The following SENP7 variants were observed in gnomAD, a reference collection of about 807,000 sequenced individuals.
SENP7 encodes sentrin-specific protease 7.
Under a neutral mutation model 141.2 loss-of-function variants are expected in SENP7, and 64 were observed. The ratio of observed to expected loss-of-function variants is 0.45; its 90% CI spans 0.37 to 0.56. The LOEUF (loss-of-function observed/expected upper bound fraction) is 0.56. Among genes scored for constraint, SENP7 ranks in the 20% least tolerant of loss-of-function variants. The pLI is 0.00. For synonymous variants in SENP7, 382 were observed against 426.4 expected (o/e 0.90, Z 1.28); for missense variants, 1,025 against 1,212.2 (o/e 0.85, Z 2.29).
intron 16 of SENP7, among the ~76,000 whole-genome samples, 172 bp from the exon 17 acceptor site, chr3:101,337,803 C>T (rs1230664349): frequency 6.6e-6 from 1 of 152,210 alleles, no homozygotes; most frequent in Non-Finnish European, 1.5e-5. Context: ...AGCCTTCCAT[C>T]ATGTAAAGCA....
rs1219140542 is a variant in SENP7 at position 101,417,743 on chromosome 3, C to T, written c.332G>A (p.Arg111Gln). 3.7e-6 allele frequency: 6 copies of T among 1,613,812 alleles called. No homozygotes were observed. The highest frequency in any genetic ancestry group is 1.7e-6 in the Non-Finnish European group (2 of 1,179,868). ...LTNVLWTDLG[R>Q]KFRKTLPRND... ...TCTAGGTAGGGTCTTTCTGAATTTT[C>T]GTCCTAAATCCGTCCATAGGACATT... The change falls in exon 5 of 24, where the codon CGA becomes CAA. Residue 111 changes from arginine (R) to glutamine (Q), a missense_variant. By Grantham distance (43) the Arg-to-Gln change is conservative. Around this residue, in one of 4 missense-constraint regions of SENP7, gnomAD observed 496 missense variants for 503.5 expected, o/e 0.99. Transcript: ENST00000394095.
intron 4 of SENP7, among the ~76,000 whole-genome samples, chr3:101,430,819 G>C (rs1369202512): frequency 6.6e-6 from 1 of 152,126 alleles, no homozygotes; most frequent in Non-Finnish European, 1.5e-5. Flanking sequence ...TTGACATTTA[G>C]TGCTATAAAT....
At chr3:101,359,455 C>T (rs1473056129) in intron 11 of SENP7, among the ~76,000 whole-genome samples, 2 of 150,878 alleles carry the variant, frequency 1.3e-5, no homozygotes, top group African/African-American at 4.9e-5. Flanking sequence ...GTTTGACTTC[C>T]TCTCCTCCAA....
chr3:101,332,916 G>A (rs546866945), intron 17 of SENP7, 54 bp from the exon 18 acceptor site: 4 of 1,496,928 alleles, frequency 2.7e-6, no homozygotes, highest in East Asian at 2.5e-5. Flanking sequence ...TTTAAGATAG[G>A]GACTTCAAGA....
chr3:101,414,625 G>T (rs1402123570), intron 5 of SENP7: 20 of 1,578,504 alleles, frequency 1.3e-5, no homozygotes, highest in African/African-American at 2.7e-5. Context: ...CTTAGCCATT[G>T]GGAAATAAAA....
At chr3:101,373,858 A>G (rs1576134787) in intron 6 of SENP7, among the ~76,000 whole-genome samples, 2 of 152,216 alleles carry the variant, frequency 1.3e-5, no homozygotes, top group East Asian at 3.8e-4. Flanking sequence ...AAGGACAGCA[A>G]TGTTCAAACA....
chr3:101,431,006 A>G (rs2062145505), intron 4 of SENP7, among the ~76,000 whole-genome samples: 1 of 152,196 alleles, frequency 6.6e-6, no homozygotes, highest in African/African-American at 2.4e-5. Context: ...GGGTTTCTTA[A>G]TCCTGAGTTC....
chr3:101,350,131 T>C (rs1238237055), intron 12 of SENP7, among the ~76,000 whole-genome samples: 2 of 151,914 alleles, frequency 1.3e-5, no homozygotes, highest in African/African-American at 2.4e-5. Context: ...ATAATGGCCA[T>C]GAGATAAACT....
At chr3:101,370,801 C>T (rs2060157528) in intron 7 of SENP7, among the ~76,000 whole-genome samples, 1 of 152,056 alleles carries the variant, frequency 6.6e-6, no homozygotes, top group South Asian at 2.1e-4. Context: ...CCAAAGACTG[C>T]CTTTATAAGA....
At chr3:101,368,711 C>T (rs1033408277) in intron 7 of SENP7, among the ~76,000 whole-genome samples, 2 of 151,862 alleles carry the variant, frequency 1.3e-5, no homozygotes, top group Non-Finnish European at 2.9e-5. Context: ...TGCACACGTA[C>T]CCTAGGACTT....
At chr3:101,461,471 G>T (rs970036100) in intron 3 of SENP7, among the ~76,000 whole-genome samples, 1 of 151,612 alleles carries the variant, frequency 6.6e-6, no homozygotes, top group Non-Finnish European at 1.5e-5. Flanking sequence ...TGAAGGAAGA[G>T]AGGAGAAGGA....
intron 7 of SENP7, among the ~76,000 whole-genome samples, chr3:101,368,357 A>C (rs2060091827): frequency 6.6e-6 from 1 of 151,940 alleles, no homozygotes; most frequent in Non-Finnish European, 1.5e-5. Flanking sequence ...GGGGATTAAG[A>C]AAATGTGGCC....
At chr3:101,339,722 C>G (rs1472869388) in intron 16 of SENP7, among the ~76,000 whole-genome samples, 2 of 140,880 alleles carry the variant, frequency 1.4e-5, no homozygotes, top group Middle Eastern at 7.1e-3. Context: ...CCATCTCAAA[C>G]AAAAAAAAAA....
intron 3 of SENP7, among the ~76,000 whole-genome samples, chr3:101,470,628 A>G (rs552759483): frequency 2.2e-4 from 33 of 152,302 alleles, no homozygotes; most frequent in African/African-American, 7.7e-4. Flanking sequence ...CCTATTCAAC[A>G]TAGTATTGGA....
chr3:101,474,745 TG>T (rs2064147117), intron 3 of SENP7, among the ~76,000 whole-genome samples: 1 of 152,204 alleles, frequency 6.6e-6, no homozygotes, highest in African/African-American at 2.4e-5. Flanking sequence ...GTGGGCATCC[TG>T]GTCTTCTGGC....
intron 11 of SENP7, among the ~76,000 whole-genome samples, chr3:101,352,060 G>A (rs1214993894): frequency 6.6e-6 from 1 of 151,904 alleles, no homozygotes; most frequent in East Asian, 1.9e-4. Context: ...GATTCCCTTG[G>A]TGATGAACTC....
At chr3:101,511,040 C>T (rs1269165439) in intron 1 of SENP7, among the ~76,000 whole-genome samples, 4 of 151,968 alleles carry the variant, frequency 2.6e-5, no homozygotes, top group African/African-American at 9.7e-5. Context: ...AATTAGTGCA[C>T]ATCTTAAAAC....
intron 11 of SENP7, chr3:101,359,092 G>C (rs2059823150): frequency 6.6e-6 from 1 of 151,726 alleles, no homozygotes; most frequent in Admixed American, 6.6e-5. Flanking sequence ...TGTATAAAAC[G>C]TGACAAAGCC....
chr3:101,428,463 T>C (rs1295076080), intron 4 of SENP7, among the ~76,000 whole-genome samples: 2 of 152,268 alleles, frequency 1.3e-5, no homozygotes, highest in African/African-American at 2.4e-5. Flanking sequence ...ATGAGAATTT[T>C]TTTCAGAAGT....
Sources: allele counts gnomAD v4.1 joint callset (sites outside exome capture counted in the v4.1 genomes callset), GRCh38; gene constraint gnomAD v4.1.1; regional missense constraint gnomAD v4.1.1; transcripts MANE v1.5; gene names NCBI Gene and HGNC (gene_info 2026-07-23, HGNC 2026-07-21).